The following LIFR variants were observed in gnomAD, a reference collection of about 807,000 sequenced individuals.
The protein encoded by LIFR is leukemia inhibitory factor receptor.
A neutral mutation model predicts 122.2 loss-of-function variants in LIFR; 84 were observed. That is an observed-to-expected ratio of 0.69 (90% CI 0.58 to 0.82). The LOEUF is 0.82. Ranked by LOEUF, LIFR falls within the 40% of genes least tolerant of loss-of-function variation. The pLI is 0.00. For synonymous variants in LIFR, 422 were observed against 434.7 expected (o/e 0.97, Z 0.36); for missense variants, 1,294 against 1,311.6 (o/e 0.99, Z 0.21).
intron 5 of LIFR, among the ~76,000 whole-genome samples, chr5:38,517,017 C>T (rs998978422): frequency 3.3e-5 from 5 of 151,702 alleles, no homozygotes; most frequent in South Asian, 4.2e-4. Flanking sequence ...TGAGAACACA[C>T]GGACACAGGG....
upstream of LIFR, among the ~76,000 whole-genome samples, chr5:38,559,629 A>G (rs1210360224): frequency 1.3e-5 from 2 of 152,262 alleles, no homozygotes; most frequent in African/African-American, 4.8e-5. Context: ...TGCATAATAC[A>G]ACGAGCCTTA....
chr5:38,513,803 T>C (rs114013745), intron 5 of LIFR, among the ~76,000 whole-genome samples: 360 of 152,212 alleles, frequency 2.4e-3, no homozygotes, highest in African/African-American at 8.5e-3. Flanking sequence ...AAAGTTCCAA[T>C]TAGATTAAAA....
At chr5:38,540,950 T>A (rs916285004) in intron 1 of LIFR, among the ~76,000 whole-genome samples, 7 of 152,186 alleles carry the variant, frequency 4.6e-5, no homozygotes, top group Non-Finnish European at 1.0e-4. Context: ...AATGCACAGA[T>A]GTTGACCAAA....
intron 5 of LIFR, among the ~76,000 whole-genome samples, chr5:38,516,581 A>C (rs1746095781): frequency 6.6e-6 from 1 of 152,198 alleles, no homozygotes; most frequent in South Asian, 2.1e-4. Flanking sequence ...GGATGTGGAG[A>C]AATAGGAATG....
chr5:38,545,277 A>T (rs1484382187), intron 1 of LIFR, among the ~76,000 whole-genome samples: 1 of 152,080 alleles, frequency 6.6e-6, no homozygotes, highest in Admixed American at 6.6e-5. Flanking sequence ...CTCAAAAAAA[A>T]AAAAAATTAA....
intron 1 of LIFR, among the ~76,000 whole-genome samples, chr5:38,532,522 CAA>C (rs1265594154): frequency 1.3e-5 from 2 of 152,186 alleles, no homozygotes; most frequent in African/African-American, 4.8e-5. Flanking sequence ...AGCCACGGAT[CAA>C]AGACTCTGCT....
intron 2 of LIFR, among the ~76,000 whole-genome samples, chr5:38,529,697 A>G: frequency 6.6e-6 from 1 of 152,212 alleles, no homozygotes; most frequent in Non-Finnish European, 1.5e-5. Flanking sequence ...AGGCAACTAT[A>G]GAATAAAAAA....
At chr5:38,579,434 G>C (rs1426774709) in intron 1 of LIFR, 1 of 151,904 alleles carries the variant, frequency 6.6e-6, no homozygotes, top group East Asian at 1.9e-4. Flanking sequence ...CATAAAGTAG[G>C]TCAAATATTT....
chr5:38,575,797 C>G (rs1749366767), intron 1 of LIFR, among the ~76,000 whole-genome samples: 1 of 152,172 alleles, frequency 6.6e-6, no homozygotes, highest in Admixed American at 6.5e-5. Flanking sequence ...CATCCCTGCT[C>G]TGGGTTCTGG....
rs1184540621 is a variant in LIFR at position 38,480,323 on chromosome 5, T to C, written c.*1272A>G. 3 of 227,520 alleles carry C rather than the reference T, an allele frequency of 1.3e-5. No homozygotes were observed. In the Admixed American group the frequency reaches 1.7e-4, roughly 13 times the overall value. 14.1% of individuals were successfully genotyped at this position (227,520 alleles called of 1,614,324 possible). ...AGACATCGCTTATGAGAAACAAGGG[T>C]GGGCAGAGGATGCTGTGCTGAAGGC... On this transcript the variant is annotated 3_prime_UTR_variant, in exon 20 of 20. Transcript: ENST00000453190.
At chr5:38,486,805 A>G (rs1667935471) in intron 16 of LIFR, among the ~76,000 whole-genome samples, 1 of 152,182 alleles carries the variant, frequency 6.6e-6, no homozygotes, top group Admixed American at 6.5e-5. Context: ...TTACGCTACC[A>G]TCACCCTTTC....
At chr5:38,488,534 G>C (rs974317006) in intron 16 of LIFR, among the ~76,000 whole-genome samples, 1 of 152,188 alleles carries the variant, frequency 6.6e-6, no homozygotes, top group Non-Finnish European at 1.5e-5. Flanking sequence ...GTAAATCTGA[G>C]AATTCTCTAA....
At chr5:38,533,050 C>T (rs1218804288) in intron 1 of LIFR, among the ~76,000 whole-genome samples, 1 of 152,196 alleles carries the variant, frequency 6.6e-6, no homozygotes, top group African/African-American at 2.4e-5. Context: ...AAAGTGGCAG[C>T]CACCAGCCTC....
chr5:38,559,628 C>G (rs982352800), upstream of LIFR, among the ~76,000 whole-genome samples: 3 of 152,124 alleles, frequency 2.0e-5, no homozygotes, highest in Admixed American at 2.0e-4. Context: ...TTGCATAATA[C>G]AACGAGCCTT....
intron 9 of LIFR, 119 bp from the exon 10 acceptor site, chr5:38,504,240 A>C: frequency 1.4e-6 from 1 of 693,022 alleles, no homozygotes; most frequent in Non-Finnish European, 2.6e-6. Flanking sequence ...GACCAACAAC[A>C]TCCTACCCAG....
intron 9 of LIFR, among the ~76,000 whole-genome samples, chr5:38,504,415 C>CAAAAAAAAAAAAAAAAAA (rs71604899): frequency 2.9e-4 from 35 of 120,128 alleles, no homozygotes; most frequent in Admixed American, 3.6e-4. Context: ...AGGGAATGAC[C>CAAAAAAAAAAAAAAAAAA]AAAAAAAAAA....
chr5:38,483,173 G>C (rs1224174572), intron 18 of LIFR, among the ~76,000 whole-genome samples: 1 of 152,050 alleles, frequency 6.6e-6, no homozygotes, highest in African/African-American at 2.4e-5. Flanking sequence ...CGTGTCACGA[G>C]TACACTGCAG....
intron 1 of LIFR, among the ~76,000 whole-genome samples, chr5:38,589,172 T>A (rs555790033): frequency 2.0e-5 from 3 of 150,706 alleles, no homozygotes; most frequent in South Asian, 4.2e-4. Flanking sequence ...TAATTTTTAT[T>A]TTTTTTTTGT....
Position 38,490,179 on chromosome 5 carries a change from A to C in LIFR, c.2167+11T>G, listed in dbSNP as rs1308093621. ...CTTGAGCTCTTATAAATAAGTACCC[A>C]TTTAACTTACCCAATTCTTCTATAT... is the stretch of plus-strand genomic sequence containing the variant. On this transcript the variant is annotated intron_variant, in intron 15 of 19. Transcript: ENST00000453190. 2 of 1,286,916 alleles carry C rather than the reference A, an allele frequency of 1.6e-6. No individual in the cohort carries two copies. The highest frequency in any genetic ancestry group is 2.2e-6 in the Non-Finnish European group (2 of 892,482). 79.7% of individuals were successfully genotyped at this position (1,286,916 alleles called of 1,614,324 possible).
Sources: allele counts gnomAD v4.1 joint callset (sites outside exome capture counted in the v4.1 genomes callset), GRCh38; gene constraint gnomAD v4.1.1; transcripts MANE v1.5; gene names NCBI Gene and HGNC (gene_info 2026-07-23, HGNC 2026-07-21).